Variants in RTEL1 observed in about 807,000 individuals in gnomAD.
The protein encoded by RTEL1 is regulator of telomere length.
A neutral mutation model predicts 162.2 loss-of-function variants in RTEL1; 86 were observed. That is an observed-to-expected ratio of 0.53 (90% CI 0.45 to 0.63). The LOEUF (loss-of-function observed/expected upper bound fraction) is 0.63. RTEL1 is among the 30% of genes least tolerant of loss of function. The pLI is 0.00. For missense variants in RTEL1, 1,941 were observed against 1,750.2 expected (o/e 1.11, Z -1.95); for synonymous variants, 958 against 717.9 (o/e 1.33, Z -5.35).
In RTEL1 at chr20:63,659,654, C is replaced by G. The variant is rs1045305117; in HGVS notation, c.102+150C>G. The G allele has an allele frequency of 8.9e-6, 6 of 673,526 alleles. No individual in the cohort carries two copies. In the Admixed American group the frequency reaches 9.2e-5, roughly 10 times the overall value. 41.7% of individuals were successfully genotyped at this position (673,526 alleles called of 1,614,324 possible). On this transcript the variant is annotated intron_variant, in intron 2 of 34. Coordinates refer to ENST00000360203, the MANE Select transcript of RTEL1 (RefSeq NM_001283009.2). ...AAAGGGCTGGTGTTCCAGGTGGGGTCAGAGAGAGGATTGACAAGTAAAAAC... is the reference window on the plus strand; with the variant it reads ...AAAGGGCTGGTGTTCCAGGTGGGGTGAGAGAGAGGATTGACAAGTAAAAAC...
chr20:63,682,088 G>C, intron 14 of RTEL1: 6 of 985,394 alleles, frequency 6.1e-6, no homozygotes, highest in Non-Finnish European at 6.0e-6. Flanking sequence ...GAGCTGGCCC[G>C]GGCCTGTCCC....
chr20:63,685,953 C>T (rs932894440), intron 16 of RTEL1, 81 bp downstream of exon 16: 5 of 1,358,176 alleles, frequency 3.7e-6, no homozygotes, highest in African/African-American at 1.4e-5. Context: ...GGCACATGCC[C>T]AGCCGTGGAT....
chr20:63,685,612 C>T lies in RTEL1; in HGVS notation c.1266+15C>T, dbSNP rs749890574. ...AGTCCTATAAGGTAGGGGCCACCTC[C>T]AGGAGGCAGGTGGAGGGCAGCCCTT... On this transcript the variant is annotated intron_variant, in intron 15 of 34. Transcript: ENST00000360203. 3.1e-6 allele frequency: 5 copies of T among 1,607,022 alleles called. No homozygotes were observed. The highest frequency in any genetic ancestry group is 2.7e-5 in the African/African-American group (2 of 74,846).
rs1601119963 is a variant in RTEL1 at position 63,674,072 on chromosome 20, A to T, written c.898A>T (p.Ser300Cys). ...GCAGGGTGAGCCCCACCCGGAGTTC[A>T]GCGCGGACTCCCCCAGCCCAGGTGC... ...AQQGEPHPEF[S>C]ADSPSPGLNM... The change falls in exon 10 of 35, where the codon AGC (serine) becomes TGC (cysteine). Residue 300 changes from serine (S) to cysteine (C), a missense_variant. Coordinates refer to ENST00000360203, the MANE Select transcript of RTEL1 (RefSeq NM_001283009.2). 1 of 1,612,922 alleles carries T rather than the reference A, an allele frequency of 6.2e-7. No individual in the cohort carries two copies. Among genetic ancestry groups the T allele is most frequent in the East Asian group, 2.2e-5 (1 of 44,850 alleles).
intron 10 of RTEL1, among the ~76,000 whole-genome samples, chr20:63,674,361 A>G (rs569846897): frequency 4.1e-4 from 62 of 152,330 alleles, no homozygotes; most frequent in Admixed American, 1.6e-3. Context: ...AGCCTGTGGA[A>G]GGGCTGGTAT....
chr20:63,682,196 C>T (rs1042950947), intron 14 of RTEL1: 13 of 985,276 alleles, frequency 1.3e-5, no homozygotes, highest in Middle Eastern at 5.2e-4. Context: ...TTCCTACACT[C>T]GAACTGAATC....
chr20:63,665,888 G>A lies in RTEL1; in HGVS notation c.539-116G>A, dbSNP rs1353673010. ...GCTTTGTGGCGCGTTCACGGTTGGT[G>A]GGGGACGCCCAGCCCTGCCCGCCGT... is the stretch of plus-strand genomic sequence containing the variant. On this transcript the variant is annotated intron_variant, in intron 6 of 34. Coordinates refer to ENST00000360203, the MANE Select transcript of RTEL1 (RefSeq NM_001283009.2). The A allele has an allele frequency of 1.7e-5, 15 of 881,214 alleles. No individual in the cohort carries two copies. In the East Asian group the frequency reaches 3.5e-4, roughly 21 times the overall value. The allele number at this position is 881,214 out of a possible 1,614,324, so 54.6% of individuals were successfully genotyped here.
At chr20:63,663,148 C>A (rs1230602091) in intron 6 of RTEL1, among the ~76,000 whole-genome samples, 2 of 152,242 alleles carry the variant, frequency 1.3e-5, no homozygotes, top group Admixed American at 1.3e-4. Flanking sequence ...AAGGCTCCCT[C>A]CATTTCCTGA....
intron 10 of RTEL1, among the ~76,000 whole-genome samples, chr20:63,675,354 A>G (rs112293990): frequency 2.6e-5 from 4 of 152,270 alleles, no homozygotes; most frequent in African/African-American, 9.6e-5. Flanking sequence ...AAAATCGCAC[A>G]TGTGGACGGA....
rs752810688 is a variant in RTEL1 at position 63,687,664 on chromosome 20, A to G, written c.1375A>G (p.Ser459Gly). 6 of 1,609,534 alleles carry G rather than the reference A, an allele frequency of 3.7e-6. No homozygotes were observed. Among genetic ancestry groups the G allele is most frequent in the Non-Finnish European group, 5.1e-6 (6 of 1,179,468 alleles). The stretch of plus-strand genomic sequence containing the variant: ...GAAGGTGCTGAGCTACTGGTGCTTC[A>G]GTCCCGGCCACAGCATGCACGAGCT... ...RGKVLSYWCFSPGHSMHELVR... is the reference protein window; with the variant it reads ...RGKVLSYWCFGPGHSMHELVR... Residue 459 changes from serine to glycine, a missense_variant, in exon 17 of 35, where the codon AGT becomes GGT. Ser to Gly is a moderately conservative substitution (Grantham distance 56). Transcript: ENST00000360203.
At chr20:63,686,233 G>A in intron 16 of RTEL1, 1 of 333,886 alleles carries the variant, frequency 3.0e-6, no homozygotes. Flanking sequence ...GCAGCGCCTG[G>A]CCGGGCCAAG....
At chr20:63,694,575 C>G (rs1177872499) in intron 31 of RTEL1, 87 bp downstream of exon 31, 1 of 1,308,874 alleles carries the variant, frequency 7.6e-7, no homozygotes, top group Non-Finnish European at 1.1e-6. Flanking sequence ...GTGGCCGGGG[C>G]TGCCCCTGTG....
chr20:63,695,020 G>A, intron 32 of RTEL1, 46 bp downstream of exon 32: 1 of 1,609,890 alleles, frequency 6.2e-7, no homozygotes, highest in Non-Finnish European at 8.5e-7. Flanking sequence ...TGGGGGGCAG[G>A]GGACAAAATG....
intron 26 of RTEL1, 63 bp downstream of exon 26, chr20:63,690,504 C>CA: frequency 1.5e-6 from 2 of 1,346,422 alleles, no homozygotes; most frequent in Non-Finnish European, 2.0e-6. Context: ...GTGGGGCGGG[C>CA]AGCACCAGGC....
At position 63,694,390 on chromosome 20, in the gene RTEL1, C is replaced by T; in HGVS notation, c.3011C>T (p.Pro1004Leu). The T allele has an allele frequency of 6.2e-7, 1 of 1,612,402 alleles. No individual in the cohort carries two copies. The change falls in exon 31 of 35, where the codon CCC becomes CTC. Residue 1004 changes from proline to leucine, a missense_variant. Transcript: ENST00000360203. The part of the protein sequence containing the change: ...LDPTGRTAPD[P>L]KLTVSTAAAQ... ...TCATCAGGAAGAACGGCGCCGGATC[C>T]CAAGCTGACCGTGTCCACGGCTGCA...
At chr20:63,660,281 C>T (rs1050188213) in intron 2 of RTEL1, among the ~76,000 whole-genome samples, 1 of 152,224 alleles carries the variant, frequency 6.6e-6, no homozygotes, top group African/African-American at 2.4e-5. Context: ...GGCTGGGGGA[C>T]TGTCAGGTCT....
At position 63,691,837 on chromosome 20, in the gene RTEL1, G is replaced by A. The variant is rs201784607; in HGVS notation, c.2652G>A (p.Pro884=). ...GRKKIRLVSH[P]EEPVAGAQTD... ...AGAAGATCCGGCTGGTCAGCCACCC[G>A]GTGCGTGAGCTGTCCCTGCACCTGT... Residue 884 remains proline (P), a splice_region_variant and synonymous_variant, in exon 28 of 35, where the codon CCG becomes CCA. Coordinates refer to ENST00000360203, the MANE Select transcript of RTEL1 (RefSeq NM_001283009.2). 43 of 1,608,974 alleles carry A rather than the reference G, an allele frequency of 2.7e-5. No homozygotes were observed. Among genetic ancestry groups the A allele is most frequent in the African/African-American group, 4.0e-5 (3 of 75,000 alleles).
Position 63,692,920 on chromosome 20 carries a change from A to C in RTEL1, c.2768A>C (p.Lys923Thr). 2 of 1,612,672 alleles carry C rather than the reference A, an allele frequency of 1.2e-6. No homozygotes were observed. The highest frequency in any genetic ancestry group is 1.7e-6 in the Non-Finnish European group (2 of 1,179,860). Residue 923 changes from lysine to threonine, a missense_variant, in exon 29 of 35, where the codon AAG becomes ACG. By Grantham distance (78) the Lys-to-Thr change is moderately conservative. Coordinates refer to ENST00000360203, the MANE Select transcript of RTEL1 (RefSeq NM_001283009.2). ...ATFTQALQDY[K>T]GSDDFAALAA... ...TTCACCCAGGCCCTGCAGGACTACA[A>C]GGGTTCCGATGACTTCGCCGCCCTG...
intron 7 of RTEL1, among the ~76,000 whole-genome samples, chr20:63,666,988 C>T (rs145832440): frequency 0.015 from 2,213 of 152,014 alleles, 18 homozygotes; most frequent in Non-Finnish European, 0.02. Flanking sequence ...TACAGGTGCC[C>T]GCCACCACGT....
Sources: allele counts gnomAD v4.1 joint callset (sites outside exome capture counted in the v4.1 genomes callset), GRCh38; gene constraint gnomAD v4.1.1; transcripts MANE v1.5; gene names NCBI Gene and HGNC (gene_info 2026-07-23, HGNC 2026-07-21).